ROBO1: variants seen among roughly 807,000 people sequenced by gnomAD.
ROBO1 encodes the protein roundabout homolog 1.
A neutral mutation model predicts 195.9 loss-of-function variants in ROBO1; 149 were observed. That is an observed-to-expected ratio of 0.76 (90% CI 0.67 to 0.87). The LOEUF (loss-of-function observed/expected upper bound fraction) is 0.87. Among genes scored for constraint, ROBO1 ranks in the 40% least tolerant of loss-of-function variants. The pLI, the probability that ROBO1 is intolerant of heterozygous loss-of-function variation, is 0.00. For synonymous variants in ROBO1, 816 were observed against 733.2 expected, an observed-to-expected ratio of 1.11 and a Z score of -1.82; for missense variants, 1,933 against 2,068.3, an observed-to-expected ratio of 0.93 and a Z score of 1.27.
At chr3:79,117,035 A>G (rs2080017330) in intron 3 of ROBO1, among the ~76,000 whole-genome samples, 1 of 152,138 alleles carries the variant, frequency 6.6e-6, no homozygotes, top group East Asian at 1.9e-4. Flanking sequence ...GAGCCATAGT[A>G]GGATTATATG....
intron 1 of ROBO1, among the ~76,000 whole-genome samples, chr3:79,646,374 G>A (rs936763459): frequency 6.6e-6 from 1 of 151,990 alleles, no homozygotes; most frequent in Middle Eastern, 3.2e-3. Flanking sequence ...ACCTCAACTC[G>A]GTTAAAATGG....
chr3:79,512,804 A>T (rs1362804367), intron 2 of ROBO1: 1 of 152,166 alleles, frequency 6.6e-6, no homozygotes, highest in African/African-American at 2.4e-5. Flanking sequence ...TGGAAACAAA[A>T]TACACAGTGT....
At chr3:79,409,965 G>A (rs1015402381) in intron 2 of ROBO1, among the ~76,000 whole-genome samples, 2 of 151,694 alleles carry the variant, frequency 1.3e-5, no homozygotes, top group Non-Finnish European at 2.9e-5. Flanking sequence ...TATTCTCTTT[G>A]AGACTTTTAA....
intron 1 of ROBO1, among the ~76,000 whole-genome samples, chr3:79,606,634 T>C (rs531785505): frequency 1.3e-5 from 2 of 152,040 alleles, no homozygotes; most frequent in East Asian, 3.9e-4. Context: ...GTGTCAATCC[T>C]ATGACTCCTG....
chr3:78,613,061 TACAG>T (rs1360324661), intron 28 of ROBO1, among the ~76,000 whole-genome samples: 1 of 152,190 alleles, frequency 6.6e-6, no homozygotes, highest in Non-Finnish European at 1.5e-5. Flanking sequence ...GGACAATAAA[TACAG>T]ACAATTTTCA....
intron 4 of ROBO1, among the ~76,000 whole-genome samples, chr3:78,830,787 C>A (rs1381853119): frequency 6.6e-6 from 1 of 152,156 alleles, no homozygotes; most frequent in Non-Finnish European, 1.5e-5. Flanking sequence ...AAGTTTCCAG[C>A]ATATAAATCT....
chr3:78,779,809 T>C (rs917755282), intron 4 of ROBO1, among the ~76,000 whole-genome samples: 1 of 152,186 alleles, frequency 6.6e-6, no homozygotes, highest in South Asian at 2.1e-4. Context: ...TGCACACATA[T>C]GTTTATTGCA....
At chr3:79,575,214 T>TATATAA (rs1679932849) in intron 2 of ROBO1, among the ~76,000 whole-genome samples, 7 of 114,946 alleles carry the variant, frequency 6.1e-5, no homozygotes, top group African/African-American at 1.6e-4. Flanking sequence ...ATAACAGATA[T>TATATAA]ATATATATAA....
At chr3:78,615,897 C>T (rs1489654722) in intron 27 of ROBO1, among the ~76,000 whole-genome samples, 1 of 152,186 alleles carries the variant, frequency 6.6e-6, no homozygotes, top group Admixed American at 6.5e-5. Flanking sequence ...TGAAAAGACA[C>T]TGCAATAAGC....
At chr3:78,836,405 G>T (rs561473554) in intron 4 of ROBO1, among the ~76,000 whole-genome samples, 2 of 150,934 alleles carry the variant, frequency 1.3e-5, no homozygotes, top group Non-Finnish European at 2.9e-5. Context: ...CCAGCTACTC[G>T]GGAGGCTGAG....
rs542345364 is a variant in ROBO1, at chr3:79,685,685, T to A, written c.-51+82067A>T. Reference sequence around the variant, plus strand: ...CTACAAGTCTTCCACAGTGACTGATTTGTCTGTTGGTTTTCAAGGTTACAC... The same window carrying A: ...CTACAAGTCTTCCACAGTGACTGATATGTCTGTTGGTTTTCAAGGTTACAC... On this transcript the variant is annotated intron_variant, in intron 1 of 30. Transcript: ENST00000464233. Among the ~76,000 whole-genome samples the A allele has an allele frequency of 5.3e-5, 8 of 152,182 alleles. 1 individual carries two copies. Among genetic ancestry groups the A allele is most frequent in the African/African-American group, 1.9e-4 (8 of 41,524 alleles).
chr3:79,086,132 T>C (rs1245607885), intron 3 of ROBO1, among the ~76,000 whole-genome samples: 1 of 151,848 alleles, frequency 6.6e-6, no homozygotes, highest in Non-Finnish European at 1.5e-5. Flanking sequence ...TTTTAGGTGT[T>C]ATGTGGAATT....
At chr3:79,523,096 T>A (rs1941276009) in intron 2 of ROBO1, among the ~76,000 whole-genome samples, 1 of 152,058 alleles carries the variant, frequency 6.6e-6, no homozygotes, top group Non-Finnish European at 1.5e-5. Context: ...AAACAAATTA[T>A]CTGATCAGTA....
chr3:79,150,566 T>A lies in ROBO1; in HGVS notation c.89-25027A>T, dbSNP rs184072336. ...TGTAAGTTATAAAATTAAATACTTA[T>A]CTTTACTAAAAAAGGATATTCTTAG... On this transcript the variant is annotated intron_variant, in intron 2 of 30. Coordinates refer to ENST00000464233, the MANE Select transcript of ROBO1 (RefSeq NM_002941.4). Among the ~76,000 whole-genome samples the A allele has an allele frequency of 6.6e-5, 10 of 151,924 alleles. No homozygotes were observed. The East Asian group carries it at 1.9e-3, about 30-fold the overall frequency.
At chr3:79,284,087 T>C (rs547012927) in intron 2 of ROBO1, among the ~76,000 whole-genome samples, 2 of 152,222 alleles carry the variant, frequency 1.3e-5, no homozygotes, top group South Asian at 2.1e-4. Flanking sequence ...TGTATATATA[T>C]GCATGTATAT....
intron 2 of ROBO1, among the ~76,000 whole-genome samples, chr3:79,146,626 T>C (rs2080658886): frequency 1.3e-5 from 2 of 151,958 alleles, no homozygotes; most frequent in Admixed American, 1.3e-4. Flanking sequence ...AATAACATTT[T>C]AAGATTGATT....
intron 2 of ROBO1, among the ~76,000 whole-genome samples, chr3:79,443,986 A>T (rs1408192176): frequency 2.0e-5 from 3 of 152,058 alleles, no homozygotes; most frequent in Non-Finnish European, 4.4e-5. Flanking sequence ...AAAAGAAAAA[A>T]AAAAAAGAAT....
chr3:79,399,162 G>A (rs1023064723), intron 2 of ROBO1, among the ~76,000 whole-genome samples: 5 of 152,146 alleles, frequency 3.3e-5, no homozygotes, highest in African/African-American at 4.8e-5. Flanking sequence ...GCAGTAAGGA[G>A]AGAAATGTGA....
chr3:78,789,699 C>G (rs2038363093), intron 4 of ROBO1, among the ~76,000 whole-genome samples: 1 of 152,166 alleles, frequency 6.6e-6, no homozygotes. Flanking sequence ...CGGGGCGACT[C>G]TCACTGCTTC....
Sources: gnomAD v4.1 joint callset for allele counts (sites outside exome capture counted in the v4.1 genomes callset) on GRCh38, gnomAD v4.1.1 for gene constraint, MANE v1.5 for transcripts, NCBI Gene and HGNC (gene_info 2026-07-23, HGNC 2026-07-21) for gene names.